PTPRD: variants seen among roughly 807,000 people sequenced by gnomAD.
PTPRD encodes the protein receptor-type tyrosine-protein phosphatase delta.
A neutral mutation model predicts 214.5 loss-of-function variants in PTPRD; 34 were observed. The ratio of observed to expected loss-of-function variants is 0.16; its 90% confidence interval spans 0.12 to 0.21. The LOEUF (loss-of-function observed/expected upper bound fraction) is 0.21, where lower values mean the gene tolerates loss of function less well. PTPRD is among the 10% of genes least tolerant of loss of function. The pLI, the probability that PTPRD is intolerant of heterozygous loss-of-function variation, is 1.00. For missense variants in PTPRD, 2,545 were observed against 2,398.7 expected (o/e 1.06, Z -1.27); for synonymous variants, 1,128 against 845.7 (o/e 1.33, Z -5.79).
intron 2 of PTPRD, among the ~76,000 whole-genome samples, chr9:10,450,353 A>C (rs1214073599): frequency 6.6e-6 from 1 of 152,078 alleles, no homozygotes; most frequent in Non-Finnish European, 1.5e-5. Flanking sequence ...ATATAATAAA[A>C]TACGTGCTTA....
chr9:10,031,934 C>G (rs2097088323), intron 4 of PTPRD, among the ~76,000 whole-genome samples: 1 of 151,798 alleles, frequency 6.6e-6, no homozygotes, highest in Non-Finnish European at 1.5e-5. Context: ...AATGAGAAGT[C>G]CCAAATAAGT....
At chr9:9,261,550 T>C (rs1366404181) in intron 9 of PTPRD, among the ~76,000 whole-genome samples, 2 of 151,780 alleles carry the variant, frequency 1.3e-5, no homozygotes, top group African/African-American at 2.4e-5. Context: ...TTTTCACTTT[T>C]AGAGGCCACC....
At chr9:9,592,820 G>A (rs1563918728) in intron 7 of PTPRD, among the ~76,000 whole-genome samples, 3 of 152,130 alleles carry the variant, frequency 2.0e-5, no homozygotes, top group African/African-American at 7.2e-5. Context: ...TGAGGTGGGT[G>A]GATAACCTGA....
At chr9:8,745,446 A>T (rs2092683611) in intron 11 of PTPRD, among the ~76,000 whole-genome samples, 1 of 152,210 alleles carries the variant, frequency 6.6e-6, no homozygotes, top group South Asian at 2.1e-4. Context: ...AGGCAACCTT[A>T]AAGGCGGGGT....
intron 3 of PTPRD, among the ~76,000 whole-genome samples, chr9:10,317,221 A>C (rs2154424430): frequency 6.6e-6 from 1 of 152,072 alleles, no homozygotes; most frequent in Admixed American, 6.6e-5. Context: ...ATTGGGGGCT[A>C]GTGTTTTTTG....
intron 9 of PTPRD, among the ~76,000 whole-genome samples, chr9:9,393,011 T>C (rs1432559707): frequency 6.6e-6 from 1 of 152,122 alleles, no homozygotes; most frequent in African/African-American, 2.4e-5. Flanking sequence ...CTTAAGTTCC[T>C]GTGTGATGGG....
intron 5 of PTPRD, among the ~76,000 whole-genome samples, chr9:9,926,784 C>G (rs1358312050): frequency 6.6e-6 from 1 of 152,044 alleles, no homozygotes; most frequent in Admixed American, 6.5e-5. Flanking sequence ...GTATAGTTTA[C>G]CCATGAGCAT....
chr9:9,369,451 G>C (rs1421693971), intron 9 of PTPRD, among the ~76,000 whole-genome samples: 1 of 152,044 alleles, frequency 6.6e-6, no homozygotes, highest in African/African-American at 2.4e-5. Context: ...CTTTTTGGTG[G>C]GGTTGTTTGC....
chr9:9,238,373 C>G (rs1441338760), intron 9 of PTPRD, among the ~76,000 whole-genome samples: 6 of 152,076 alleles, frequency 3.9e-5, no homozygotes, highest in Non-Finnish European at 7.3e-5. Context: ...TAACTGACAG[C>G]AGTTCATTAA....
chr9:9,944,479 A>T (rs1230264711), intron 4 of PTPRD, among the ~76,000 whole-genome samples: 1 of 152,172 alleles, frequency 6.6e-6, no homozygotes, highest in Non-Finnish European at 1.5e-5. Flanking sequence ...GAGAGTACAA[A>T]AATTAAATAA....
intron 8 of PTPRD, among the ~76,000 whole-genome samples, chr9:9,437,161 C>T (rs1259326266): frequency 3.3e-5 from 5 of 152,096 alleles, no homozygotes; most frequent in South Asian, 2.1e-4. Context: ...GCTGAGAGGG[C>T]GATGTTAAAA....
At chr9:10,233,326 T>A (rs1419123124) in intron 3 of PTPRD, among the ~76,000 whole-genome samples, 2 of 152,022 alleles carry the variant, frequency 1.3e-5, no homozygotes, top group Admixed American at 6.6e-5. Flanking sequence ...CCCAGTAAGA[T>A]AAGCTAGATC....
In PTPRD at chr9:10,611,989, T is replaced by C. The variant is rs950808321; in HGVS notation, c.-600+409A>G. ...ACTGAAGTCAGAGTAGGGTGGGAGT[T>C]AGCATGGATTAGGGCTGAGGTTGAA... On this transcript the variant is annotated intron_variant, in intron 2 of 45. Coordinates refer to ENST00000381196, the MANE Select transcript of PTPRD (RefSeq NM_002839.4). Among the ~76,000 whole-genome samples, 10 of 148,088 alleles carry C rather than the reference T, an allele frequency of 6.8e-5. No homozygotes were observed. The South Asian group carries it at 1.6e-3, about 23-fold the overall frequency.
chr9:8,618,930 T>G (rs1246810771), intron 14 of PTPRD, among the ~76,000 whole-genome samples: 8 of 145,220 alleles, frequency 5.5e-5, no homozygotes, highest in Admixed American at 2.7e-4. Context: ...TTTTTTTTTT[T>G]TTTTTTTTTA....
At chr9:8,919,223 T>C (rs2098807862) in intron 11 of PTPRD, among the ~76,000 whole-genome samples, 1 of 151,944 alleles carries the variant, frequency 6.6e-6, no homozygotes, top group South Asian at 2.1e-4. Flanking sequence ...CGAAATCCTG[T>C]CTCTAGTAAA....
At position 8,948,481 on chromosome 9, in the gene PTPRD, T is replaced by TTA. The variant is rs1390409256; in HGVS notation, c.-104+70214_-104+70215dup. 5.8e-3 allele frequency among the ~76,000 whole-genome samples: 88 copies of TTA among 15,218 alleles called. 5 individuals carry two copies. Among genetic ancestry groups the TTA allele is most frequent in the East Asian group, 9.2e-3 (3 of 326 alleles). The allele number at this position is 15,218 out of a possible 152,430, so 10.0% of individuals were successfully genotyped here. A position where few individuals can be genotyped will look rare whatever the true frequency, so the allele number is the denominator to read the frequency against. Reference sequence around the variant, plus strand: ...TATATATATTTACATATATATATATTTATATATATATTTATATATATATTT... The same window carrying TTA: ...TATATATATTTACATATATATATATTTATATATATATATTTATATATATATTT... On this transcript the variant is annotated intron_variant, in intron 11 of 45. Coordinates refer to ENST00000381196, the MANE Select transcript of PTPRD (RefSeq NM_002839.4).
chr9:9,321,000 T>G (rs776581067), intron 9 of PTPRD, among the ~76,000 whole-genome samples: 3 of 152,046 alleles, frequency 2.0e-5, no homozygotes, highest in Non-Finnish European at 4.4e-5. Flanking sequence ...ATAAACAATA[T>G]GGGTCAGTGA....
At chr9:9,936,632 GT>G (rs1270531087) in intron 5 of PTPRD, among the ~76,000 whole-genome samples, 1 of 132,408 alleles carries the variant, frequency 7.6e-6, no homozygotes, top group African/African-American at 3.3e-5. Context: ...TGGTGGGACT[GT>G]AAACTAGTTC....
intron 8 of PTPRD, among the ~76,000 whole-genome samples, chr9:9,456,714 C>T (rs2093056167): frequency 6.6e-6 from 1 of 151,726 alleles, no homozygotes; most frequent in Non-Finnish European, 1.5e-5. Flanking sequence ...TAAACTGCTA[C>T]ATAGTAAATA....
Sources: allele counts gnomAD v4.1 joint callset (sites outside exome capture counted in the v4.1 genomes callset), GRCh38; gene constraint gnomAD v4.1.1; transcripts MANE v1.5; gene names NCBI Gene and HGNC (gene_info 2026-07-23, HGNC 2026-07-21).